KIF26B: variants seen among roughly 807,000 people sequenced by gnomAD.
KIF26B encodes the protein kinesin-like protein KIF26B.
Under a neutral mutation model 151.2 loss-of-function variants are expected in KIF26B, and 63 were observed. The ratio of observed to expected loss-of-function variants is 0.42; its 90% confidence interval spans 0.34 to 0.51. KIF26B has a LOEUF of 0.51. Among genes scored for constraint, KIF26B ranks in the 20% least tolerant of loss-of-function variants. The pLI is 0.07. For synonymous variants in KIF26B, 1,357 were observed against 1,262.1 expected, an observed-to-expected ratio of 1.08 and a Z score of -1.59; for missense variants, 2,813 against 2,913.6, an observed-to-expected ratio of 0.97 and a Z score of 0.79.
At chr1:245,308,513 TA>T (rs1331650661) in intron 2 of KIF26B, among the ~76,000 whole-genome samples, 1 of 152,162 alleles carries the variant, frequency 6.6e-6, no homozygotes, top group Admixed American at 6.6e-5. Flanking sequence ...AGTGTGTTTT[TA>T]AAAAAAGCAT....
intron 2 of KIF26B, among the ~76,000 whole-genome samples, chr1:245,169,328 G>GGTGTGTGTGT (rs58501579): frequency 0.011 from 1,459 of 134,140 alleles, 20 homozygotes; most frequent in African/African-American, 0.031. Flanking sequence ...AACGGGCCAT[G>GGTGTGTGTGT]GTGTGTGTGT....
intron 5 of KIF26B, among the ~76,000 whole-genome samples, chr1:245,596,094 C>A: frequency 6.6e-6 from 1 of 151,972 alleles, no homozygotes; most frequent in East Asian, 1.9e-4. Flanking sequence ...TTTTGATAAT[C>A]TTTTCAAAAA....
At chr1:245,541,698 G>A (rs752551035) in intron 5 of KIF26B, among the ~76,000 whole-genome samples, 16 of 152,154 alleles carry the variant, frequency 1.1e-4, no homozygotes, top group Non-Finnish European at 1.9e-4. Context: ...TGGTGCACAC[G>A]ACCTCACTGG....
At chr1:245,394,529 A>G (rs1477442480) in intron 3 of KIF26B, among the ~76,000 whole-genome samples, 2 of 152,064 alleles carry the variant, frequency 1.3e-5, no homozygotes, top group Non-Finnish European at 2.9e-5. Flanking sequence ...AGGCTGAGGC[A>G]GGAGAATTGC....
At chr1:245,265,297 C>G (rs960347729) in intron 2 of KIF26B, among the ~76,000 whole-genome samples, 2 of 147,008 alleles carry the variant, frequency 1.4e-5, no homozygotes, top group Non-Finnish European at 3.0e-5. Context: ...CTGGGAGAAA[C>G]AAATAGACCG....
At chr1:245,307,546 C>T (rs574293953) in intron 2 of KIF26B, among the ~76,000 whole-genome samples, 2 of 152,284 alleles carry the variant, frequency 1.3e-5, no homozygotes, top group Admixed American at 1.3e-4. Context: ...TTCAGATACA[C>T]AGAGAGTGAT....
In KIF26B at chr1:245,681,303, G is replaced by A. The variant is rs528172025; in HGVS notation, c.2259-2930G>A. 1.1e-4 allele frequency among the ~76,000 whole-genome samples: 17 copies of A among 150,604 alleles called. No individual in the cohort carries two copies. In the South Asian group the frequency reaches 1.5e-3, roughly 13 times the overall value. On this transcript the variant is annotated intron_variant, in intron 10 of 14. Transcript: ENST00000407071. ...CGGCTCACTGCAAGCTCCACCCCCC[G>A]GGTTCACGCCATTCTCCTGCCTCAG... is the stretch of plus-strand genomic sequence containing the variant.
In KIF26B at chr1:245,170,337, G is replaced by A. The variant is rs1048421757; in HGVS notation, c.465+13654G>A. Among the ~76,000 whole-genome samples the A allele has an allele frequency of 3.9e-5, 6 of 152,162 alleles. No individual in the cohort carries two copies. Among genetic ancestry groups the A allele is most frequent in the Non-Finnish European group, 5.9e-5 (4 of 68,040 alleles). ...CCTTGCATTTCTTGTCAGTCAATAC[G>A]TCCTTGTTTTGGCTAAGTCTCATGC... is the stretch of plus-strand genomic sequence containing the variant. On this transcript the variant is annotated intron_variant, in intron 2 of 14. Coordinates refer to ENST00000407071, the MANE Select transcript of KIF26B (RefSeq NM_018012.4). The surrounding 1 kb of genome is among the most constrained non-coding windows in gnomAD (Gnocchi z 4.4).
chr1:245,686,595 C>T lies in KIF26B; in HGVS notation c.3612C>T (p.Ser1204=), dbSNP rs746673858. 40 of 1,611,370 alleles carry T rather than the reference C, an allele frequency of 2.5e-5. No individual in the cohort carries two copies. The Admixed American group carries it at 2.8e-4, about 11-fold the overall frequency. The part of the protein sequence containing the change: ...EELTISGVLD[S]GRPTSIISFN... Reference sequence around the variant, plus strand: ...TGACCATCAGCGGGGTCCTGGACAGCGGCCGCCCCACCAGCATCATCAGCT... The same window carrying T: ...TGACCATCAGCGGGGTCCTGGACAGTGGCCGCCCCACCAGCATCATCAGCT... Residue 1204 remains serine (S), a synonymous_variant, in exon 12 of 15, where the codon AGC becomes AGT. Transcript: ENST00000407071. This position sits in a 1 kb window ranked among gnomAD's most constrained non-coding sequence, Gnocchi z 5.6.
rs2044868149 is a variant in KIF26B at position 245,708,416 on chromosome 1, T to C, written c.*5810T>C. On this transcript the variant is annotated 3_prime_UTR_variant, in exon 15 of 15. Coordinates refer to ENST00000407071, the MANE Select transcript of KIF26B (RefSeq NM_018012.4). ...AGCTTATTGGATTCTTCCCATCAGA[T>C]CATATTGCACCAGGTATGTGTAGAC... 4 of 152,184 alleles carry C rather than the reference T, an allele frequency of 2.6e-5. No homozygotes were observed. The highest frequency in any genetic ancestry group is 6.5e-5 in the Admixed American group (1 of 15,278). The allele number at this position is 152,184 out of a possible 1,614,324, so 9.4% of individuals were successfully genotyped here. A position where few individuals can be genotyped will look rare whatever the true frequency, so the allele number is the denominator to read the frequency against.
At position 245,579,476 on chromosome 1, in the gene KIF26B, C is replaced by T. The variant is rs371382846; in HGVS notation, c.1351-23101C>T. Among the ~76,000 whole-genome samples, 11 of 151,942 alleles carry T rather than the reference C, an allele frequency of 7.2e-5. No homozygotes were observed. In the East Asian group the frequency reaches 1.5e-3, roughly 21 times the overall value. On this transcript the variant is annotated intron_variant, in intron 5 of 14. Transcript: ENST00000407071. ...TTGTACCACTGCACTCCAGCCTGAG[C>T]GACAGAGCTAGACTCTGTCTCTAAA...
intron 3 of KIF26B, among the ~76,000 whole-genome samples, chr1:245,385,070 A>T (rs1345235682): frequency 1.3e-5 from 2 of 152,128 alleles, no homozygotes; most frequent in Non-Finnish European, 2.9e-5. Context: ...TTTGGATTTT[A>T]TCCATTTATC....
chr1:245,552,616 A>ATT (rs3038129), intron 5 of KIF26B, among the ~76,000 whole-genome samples: 3,884 of 138,486 alleles, frequency 0.028, 112 homozygotes, highest in Middle Eastern at 0.071. Flanking sequence ...ATCTTCCTGG[A>ATT]TTTTTTTTTT....
intron 3 of KIF26B, among the ~76,000 whole-genome samples, chr1:245,385,657 G>GA (rs1333142917): frequency 1.3e-5 from 2 of 152,180 alleles, no homozygotes; most frequent in Non-Finnish European, 1.5e-5. Flanking sequence ...AGAAGGAAGG[G>GA]AAAACATTTA....
rs898309223 is a variant in KIF26B at position 245,516,421 on chromosome 1, A to G, written c.1167-24346A>G. On this transcript the variant is annotated intron_variant, in intron 4 of 14. Transcript: ENST00000407071. This position sits in a 1 kb window ranked among gnomAD's most constrained non-coding sequence, Gnocchi z 4.2. The stretch of plus-strand genomic sequence containing the variant: ...ATCATGTACGCGAGCGTGATTTGCT[A>G]CTAGGCAGCTCTGTAGGGCTGTATG... Among the ~76,000 whole-genome samples the G allele has an allele frequency of 1.3e-5, 2 of 152,214 alleles. No individual in the cohort carries two copies. Among genetic ancestry groups the G allele is most frequent in the African/African-American group, 4.8e-5 (2 of 41,456 alleles).
chr1:245,579,943 C>T (rs2043158977), intron 5 of KIF26B, among the ~76,000 whole-genome samples: 1 of 152,280 alleles, frequency 6.6e-6, no homozygotes, highest in African/African-American at 2.4e-5. Flanking sequence ...CGGGCTGGCC[C>T]TCTCAGTCAA....
chr1:245,419,597 G>C lies in KIF26B; in HGVS notation c.1018G>C (p.Glu340Gln), dbSNP rs1379643400. Residue 340 changes from glutamate (E) to glutamine (Q), a missense_variant, in exon 4 of 15, where the codon GAG becomes CAG. This residue lies in a region of KIF26B where 676 missense variants were observed against 688.1 expected (regional missense o/e 0.98). Transcript: ENST00000407071. ...YPYQISQLMT[E>Q]SSREGLTEAV... ...TTGTCAGATCTCCCAGCTGATGACA[G>C]AGAGTAGCCGGGAGGGACTAACAGA... is the stretch of plus-strand genomic sequence containing the variant. 4 of 1,610,970 alleles carry C rather than the reference G, an allele frequency of 2.5e-6. No individual in the cohort carries two copies. Among genetic ancestry groups the C allele is most frequent in the Non-Finnish European group, 3.4e-6 (4 of 1,178,452 alleles).
intron 4 of KIF26B, among the ~76,000 whole-genome samples, chr1:245,437,680 A>G (rs796479166): frequency 1.3e-5 from 2 of 152,220 alleles, no homozygotes; most frequent in South Asian, 4.1e-4. Context: ...GCAAGGGGGA[A>G]AAGTCCTAAC....
intron 2 of KIF26B, among the ~76,000 whole-genome samples, chr1:245,201,712 T>C (rs1253760811): frequency 1.3e-5 from 2 of 152,180 alleles, no homozygotes; most frequent in Non-Finnish European, 2.9e-5. Context: ...TATCTACTAT[T>C]TAAAGCCTGT....
Sources: gnomAD v4.1 joint callset for allele counts (sites outside exome capture counted in the v4.1 genomes callset) on GRCh38, gnomAD v4.1.1 for gene constraint, gnomAD v4.1.1 regional missense constraint, Gnocchi (gnomAD v3.1) non-coding constraint, MANE v1.5 for transcripts, NCBI Gene and HGNC (gene_info 2026-07-23, HGNC 2026-07-21) for gene names.